The following RBFOX1 variants were observed in gnomAD, a reference collection of about 807,000 sequenced individuals.
RBFOX1 encodes the protein RNA binding protein fox-1 homolog 1.
In RBFOX1, 8 loss-of-function variants were observed where a neutral mutation model predicts 57.7. The ratio of observed to expected loss-of-function variants is 0.14; its 90% CI spans 0.08 to 0.25. RBFOX1 has a LOEUF of 0.25. Among genes scored for constraint, RBFOX1 ranks in the 10% least tolerant of loss-of-function variants. The pLI is 1.00. For synonymous variants in RBFOX1, 326 were observed against 222.4 expected (o/e 1.47, Z -4.15); for missense variants, 611 against 548.5 (o/e 1.11, Z -1.14).
chr16:7,472,048 A>G (rs974762924), intron 4 of RBFOX1, among the ~76,000 whole-genome samples: 29 of 152,330 alleles, frequency 1.9e-4, no homozygotes, highest in Non-Finnish European at 3.4e-4. Flanking sequence ...ATTTGACACA[A>G]TTTAGCTGCT....
At chr16:6,385,676 C>T (rs1308308207) in intron 2 of RBFOX1, among the ~76,000 whole-genome samples, 1 of 152,188 alleles carries the variant, frequency 6.6e-6, no homozygotes, top group East Asian at 1.9e-4. Context: ...CAATAACAAA[C>T]CTACTTTCTA....
chr16:5,757,529 C>G (rs896049841), intron 3 of RBFOX1, among the ~76,000 whole-genome samples: 8 of 152,120 alleles, frequency 5.3e-5, no homozygotes, highest in African/African-American at 1.7e-4. Context: ...CACACCCAGC[C>G]GGGTGGGAAG....
At chr16:5,322,106 C>T (rs1026261177) in intron 1 of RBFOX1, among the ~76,000 whole-genome samples, 4 of 152,172 alleles carry the variant, frequency 2.6e-5, no homozygotes, top group African/African-American at 9.7e-5. Context: ...AACCCTGACG[C>T]ATCTGATTCC....
At chr16:7,581,791 A>G (rs2093784583) in intron 6 of RBFOX1, among the ~76,000 whole-genome samples, 1 of 152,098 alleles carries the variant, frequency 6.6e-6, no homozygotes, top group Non-Finnish European at 1.5e-5. Context: ...ATCACGGCTC[A>G]CTGCAAATTC....
chr16:5,809,380 A>G (rs1306582663), intron 3 of RBFOX1, among the ~76,000 whole-genome samples: 2 of 152,218 alleles, frequency 1.3e-5, no homozygotes, highest in Non-Finnish European at 1.5e-5. Context: ...ATCAGAGTGA[A>G]CAGGCAGCCT....
intron 1 of RBFOX1, among the ~76,000 whole-genome samples, chr16:6,165,950 A>G (rs2096913846): frequency 6.6e-6 from 1 of 152,160 alleles, no homozygotes; most frequent in African/African-American, 2.4e-5. Flanking sequence ...GTCATCAACG[A>G]TTTGATTTGA....
intron 1 of RBFOX1, among the ~76,000 whole-genome samples, chr16:5,399,335 A>G (rs2151435396): frequency 6.6e-6 from 1 of 152,328 alleles, no homozygotes; most frequent in East Asian, 1.9e-4. Flanking sequence ...CCAAAAGTAG[A>G]TATTGGAGTA....
intron 1 of RBFOX1, among the ~76,000 whole-genome samples, chr16:6,179,546 C>T (rs954157925): frequency 5.3e-5 from 8 of 152,090 alleles, no homozygotes; most frequent in African/African-American, 1.9e-4. Flanking sequence ...TGGCTTGGAG[C>T]CCTACTGGGC....
Position 5,887,657 on chromosome 16 carries a change from G to A in RBFOX1, c.351+20322G>A, listed in dbSNP as rs185293930. 7.2e-5 allele frequency among the ~76,000 whole-genome samples: 11 copies of A among 152,242 alleles called. No homozygotes were observed. The East Asian group carries it at 2.1e-3, about 29-fold the overall frequency. On this transcript the variant is annotated intron_variant, in intron 4 of 19. Transcript: ENST00000641259. Reference sequence around the variant, plus strand: ...GAACTCAAGTGATCCACCCGCCTCAGCCTCTGAAAGTGCTGGAATTACAGA... The same window carrying A: ...GAACTCAAGTGATCCACCCGCCTCAACCTCTGAAAGTGCTGGAATTACAGA...
intron 4 of RBFOX1, among the ~76,000 whole-genome samples, chr16:7,165,965 CAT>C (rs1555525987): frequency 2.7e-5 from 4 of 147,314 alleles, no homozygotes; most frequent in African/African-American, 5.2e-5. Context: ...CACACACACA[CAT>C]ACATACATAC....
At chr16:6,926,908 C>T (rs556604911) in intron 3 of RBFOX1, among the ~76,000 whole-genome samples, 2 of 152,276 alleles carry the variant, frequency 1.3e-5, no homozygotes, top group African/African-American at 4.8e-5. Context: ...GGTACTCCCT[C>T]AGGGCCTGGG....
At chr16:6,629,301 C>T (rs976311625) in intron 2 of RBFOX1, among the ~76,000 whole-genome samples, 4 of 152,064 alleles carry the variant, frequency 2.6e-5, no homozygotes, top group Non-Finnish European at 5.9e-5. Flanking sequence ...ATAAAATGTG[C>T]GAGGCTACAC....
intron 3 of RBFOX1, among the ~76,000 whole-genome samples, chr16:7,028,066 C>G (rs543379593): frequency 7.3e-4 from 111 of 152,052 alleles, no homozygotes; most frequent in Non-Finnish European, 1.4e-3. Flanking sequence ...GTTCGCAGCC[C>G]TGAGAAACGT....
intron 14 of RBFOX1, among the ~76,000 whole-genome samples, chr16:7,683,606 C>T (rs1371377127): frequency 6.6e-6 from 1 of 152,058 alleles, no homozygotes; most frequent in Non-Finnish European, 1.5e-5. Context: ...AGTGACAAGG[C>T]AAGGTGTAAC....
At chr16:5,861,406 G>A (rs1281205291) in intron 3 of RBFOX1, among the ~76,000 whole-genome samples, 1 of 152,192 alleles carries the variant, frequency 6.6e-6, no homozygotes, top group Non-Finnish European at 1.5e-5. Context: ...GTCAGATTGG[G>A]ACAAAGATGA....
In RBFOX1 at chr16:5,723,986, G is replaced by A. The variant is rs1414907635; in HGVS notation, c.318+125025G>A. On this transcript the variant is annotated intron_variant, in intron 3 of 19. Transcript: ENST00000641259. Reference sequence around the variant, plus strand: ...AAAATGTTTTGGAGTGGTCCAACTCGAAGAAGAGTGTCGGTGTATAGCTCC... The same window carrying A: ...AAAATGTTTTGGAGTGGTCCAACTCAAAGAAGAGTGTCGGTGTATAGCTCC... Among the ~76,000 whole-genome samples the A allele has an allele frequency of 7.3e-5, 11 of 150,962 alleles. No individual in the cohort carries two copies. In the South Asian group the frequency reaches 2.1e-3, roughly 29 times the overall value.
chr16:7,072,720 A>G (rs755743850), intron 4 of RBFOX1, among the ~76,000 whole-genome samples: 1 of 152,246 alleles, frequency 6.6e-6, no homozygotes, highest in Non-Finnish European at 1.5e-5. Flanking sequence ...TGGACAAAAT[A>G]TATGAAGCAT....
rs143051555 is a variant in RBFOX1, at chr16:6,747,989, T to C, written c.-16+93339T>C. On this transcript the variant is annotated intron_variant, in intron 3 of 15. Transcript: ENST00000550418. ...TCCTTTCTCTTTTGAAATGCACCTA[T>C]TATACAAGACTTAGGTTGTATGATT... 1.9e-3 allele frequency among the ~76,000 whole-genome samples: 283 copies of C among 152,308 alleles called. 4 individuals carry two copies. The highest frequency in any genetic ancestry group is 6.7e-3 in the African/African-American group (278 of 41,564).
intron 1 of RBFOX1, among the ~76,000 whole-genome samples, chr16:6,220,968 GTGTA>G (rs2097369428): frequency 6.6e-6 from 1 of 151,980 alleles, no homozygotes; most frequent in African/African-American, 2.4e-5. Context: ...GTGTGTGTGT[GTGTA>G]TGTGTGTGTG....
Sources: allele counts gnomAD v4.1 joint callset (sites outside exome capture counted in the v4.1 genomes callset), GRCh38; gene constraint gnomAD v4.1.1; transcripts MANE v1.5; gene names NCBI Gene and HGNC (gene_info 2026-07-23, HGNC 2026-07-21).